The following ADAMTSL3 variants were observed in gnomAD, a reference collection of about 807,000 sequenced individuals.
ADAMTSL3 encodes the protein ADAMTS-like protein 3.
In ADAMTSL3, 128 loss-of-function variants were observed where a neutral mutation model predicts 201.7. The observed-to-expected ratio is 0.63, with a 90% CI of 0.55 to 0.73. ADAMTSL3 has a LOEUF of 0.73. Ranked by LOEUF, ADAMTSL3 falls within the 30% of genes least tolerant of loss-of-function variation. The pLI, the probability that ADAMTSL3 is intolerant of heterozygous loss-of-function variation, is 0.00. For missense variants in ADAMTSL3, 1,990 were observed against 2,119.6 expected (o/e 0.94, Z 1.20); for synonymous variants, 738 against 748.4 (o/e 0.99, Z 0.23).
chr15:83,870,663 T>C, intron 8 of ADAMTSL3, 139 bp from the exon 9 acceptor site: 1 of 673,978 alleles, frequency 1.5e-6, no homozygotes, highest in South Asian at 2.5e-5. Context: ...TCCACCAATA[T>C]CAATGAATGT....
intron 23 of ADAMTSL3, among the ~76,000 whole-genome samples, chr15:84,000,430 A>G (rs1384500702): frequency 6.6e-6 from 1 of 151,870 alleles, no homozygotes; most frequent in African/African-American, 2.4e-5. Flanking sequence ...TCCTCTCTTA[A>G]CCCTATATTC....
Position 84,036,877 on chromosome 15 carries a change from G to T in ADAMTSL3, c.4859G>T (p.Arg1620Leu), listed in dbSNP as rs147358078. ...GCCTGTGGCAGGGGTTTCCAGTCTC[G>T]GAAAGTCGACTGTATCCACACAAGG... The part of the protein sequence containing the change: ...TAACGRGFQS[R>L]KVDCIHTRSC... Residue 1620 changes from arginine to leucine, a missense_variant, in exon 29 of 30, where the codon CGG becomes CTG. Coordinates refer to ENST00000286744, the MANE Select transcript of ADAMTSL3 (RefSeq NM_207517.3). 1.2e-6 allele frequency: 2 copies of T among 1,614,100 alleles called. No individual in the cohort carries two copies. The highest frequency in any genetic ancestry group is 1.3e-5 in the African/African-American group (1 of 75,032).
At chr15:83,922,580 T>C (rs1310379020) in intron 16 of ADAMTSL3, among the ~76,000 whole-genome samples, 1 of 152,196 alleles carries the variant, frequency 6.6e-6, no homozygotes, top group Admixed American at 6.6e-5. Context: ...AGTTATTAAG[T>C]TGTAGCAATG....
chr15:84,029,377 T>A (rs2068362773), intron 27 of ADAMTSL3, among the ~76,000 whole-genome samples: 1 of 152,212 alleles, frequency 6.6e-6, no homozygotes, highest in African/African-American at 2.4e-5. Flanking sequence ...TGCTATGCTT[T>A]AGCAAAGAGA....
chr15:83,978,817 C>T lies in ADAMTSL3; in HGVS notation c.2645-3456C>T, dbSNP rs778202835. On this transcript the variant is annotated intron_variant, in intron 20 of 29. Coordinates refer to ENST00000286744, the MANE Select transcript of ADAMTSL3 (RefSeq NM_207517.3). The stretch of plus-strand genomic sequence containing the variant: ...TTGGGAAAGGGACCATCTGGGGCCA[C>T]AAGGCCTGCCTTCCAGTAAATGGGC... Among the ~76,000 whole-genome samples, 37 of 152,390 alleles carry T rather than the reference C, an allele frequency of 2.4e-4. 1 individual carries two copies. The highest frequency in any genetic ancestry group is 6.2e-4 in the South Asian group (3 of 4,830).
rs1390793231 is a variant in ADAMTSL3, at chr15:83,955,875, G to A, written c.2490+12793G>A. Among the ~76,000 whole-genome samples, 4 of 152,206 alleles carry A rather than the reference G, an allele frequency of 2.6e-5. No homozygotes were observed. The South Asian group carries it at 6.2e-4, about 24-fold the overall frequency. On this transcript the variant is annotated intron_variant, in intron 19 of 29. Coordinates refer to ENST00000286744, the MANE Select transcript of ADAMTSL3 (RefSeq NM_207517.3). ...TGCTTTCATTGCTACAAGCTGTGCT[G>A]CTTGGGGTTGAGGGAGGGGTAGTGC...
In ADAMTSL3 at chr15:83,872,847, C is replaced by T. The variant is rs903849051; in HGVS notation, c.960+1888C>T. ...CACCATTTATAAAAACACACATAAG[C>T]TGCATATTTCTATGAGTTTGTATGT... On this transcript the variant is annotated intron_variant, in intron 9 of 29. Transcript: ENST00000286744. Among the ~76,000 whole-genome samples the T allele has an allele frequency of 2.1e-5, 3 of 144,910 alleles. 1 individual carries two copies. Among genetic ancestry groups the T allele is most frequent in the Non-Finnish European group, 4.5e-5 (3 of 66,666 alleles).
At chr15:83,785,936 T>C (rs1171879203) in intron 4 of ADAMTSL3, among the ~76,000 whole-genome samples, 4 of 152,052 alleles carry the variant, frequency 2.6e-5, no homozygotes, top group African/African-American at 9.7e-5. Context: ...CTCTGCCTCC[T>C]AGATTCAAGT....
intron 15 of ADAMTSL3, among the ~76,000 whole-genome samples, chr15:83,909,876 A>C (rs1267329626): frequency 6.6e-6 from 1 of 152,152 alleles, no homozygotes; most frequent in Non-Finnish European, 1.5e-5. Context: ...TCGGCCTCCC[A>C]AAGTGCTGGG....
chr15:83,691,755 C>T (rs545392681), intron 2 of ADAMTSL3, among the ~76,000 whole-genome samples: 1 of 152,280 alleles, frequency 6.6e-6, no homozygotes, highest in Admixed American at 6.5e-5. Flanking sequence ...GCTGGGATTA[C>T]AGGCGCCTGC....
At position 83,819,978 on chromosome 15, in the gene ADAMTSL3, A is replaced by C; in HGVS notation, c.531A>C (p.Ala177=). ...AQGQNLVVEL[A]PKVLDGTRCN... ...GACAAAACTTGGTGGTGGAGCTGGC[A>C]CCTAAGGTACTGGATGGAACTCGTT... The change falls in exon 6 of 30, where the codon GCA becomes GCC. Residue 177 remains alanine, a synonymous_variant. Transcript: ENST00000286744. 1 of 1,614,134 alleles carries C rather than the reference A, an allele frequency of 6.2e-7. No individual in the cohort carries two copies. Among genetic ancestry groups the C allele is most frequent in the South Asian group, 1.1e-5 (1 of 91,078 alleles).
intron 16 of ADAMTSL3, among the ~76,000 whole-genome samples, chr15:83,916,769 G>C (rs2066040583): frequency 7.1e-6 from 1 of 140,714 alleles, no homozygotes; most frequent in African/African-American, 2.8e-5. Context: ...AACATAGCAA[G>C]ACCCAGTCTT....
chr15:84,013,661 C>G (rs527506941), intron 23 of ADAMTSL3, among the ~76,000 whole-genome samples: 1 of 152,152 alleles, frequency 6.6e-6, no homozygotes, highest in African/African-American at 2.4e-5. Context: ...GTAGTCCCAG[C>G]TACTTGGAGG....
chr15:83,754,411 G>A (rs529677981), intron 3 of ADAMTSL3, among the ~76,000 whole-genome samples: 1 of 152,192 alleles, frequency 6.6e-6, no homozygotes, highest in South Asian at 2.1e-4. Context: ...GGAGAGAGCT[G>A]AATTTGGGCC....
intron 28 of ADAMTSL3, among the ~76,000 whole-genome samples, chr15:84,032,112 T>C (rs1418503586): frequency 1.3e-5 from 2 of 152,184 alleles, no homozygotes; most frequent in African/African-American, 4.8e-5. Flanking sequence ...ATTATATCAC[T>C]CACTTACTGT....
intron 3 of ADAMTSL3, among the ~76,000 whole-genome samples, chr15:83,745,766 A>C (rs1018905447): frequency 6.6e-6 from 1 of 152,254 alleles, no homozygotes; most frequent in South Asian, 2.1e-4. Context: ...CAATGAAGTG[A>C]AAAGTACATA....
intron 19 of ADAMTSL3, among the ~76,000 whole-genome samples, chr15:83,951,413 A>T (rs982040835): frequency 1.3e-5 from 2 of 152,086 alleles, no homozygotes; most frequent in East Asian, 3.8e-4. Context: ...TGAAATCACT[A>T]TGCTGATATT....
chr15:83,717,160 G>T (rs1301371261), intron 3 of ADAMTSL3, among the ~76,000 whole-genome samples: 1 of 152,166 alleles, frequency 6.6e-6, no homozygotes, highest in African/African-American at 2.4e-5. Flanking sequence ...TAGTTTAAAG[G>T]AGTAGTCATT....
intron 26 of ADAMTSL3, among the ~76,000 whole-genome samples, chr15:84,022,263 C>G (rs1003013217): frequency 7.2e-5 from 11 of 152,226 alleles, no homozygotes; most frequent in African/African-American, 2.6e-4. Context: ...CAGGAGTCTT[C>G]TGGTTCTTAT....
Sources: allele counts gnomAD v4.1 joint callset (sites outside exome capture counted in the v4.1 genomes callset), GRCh38; gene constraint gnomAD v4.1.1; transcripts MANE v1.5; gene names NCBI Gene and HGNC (gene_info 2026-07-23, HGNC 2026-07-21).